The following ARHGEF3 variants were observed in gnomAD, a reference collection of about 807,000 sequenced individuals.
The protein encoded by ARHGEF3 is 59.8 kDA protein.
A neutral mutation model predicts 63.2 loss-of-function variants in ARHGEF3; 28 were observed. The observed-to-expected ratio is 0.44, with a 90% confidence interval of 0.33 to 0.61. The LOEUF is 0.61. Ranked by LOEUF, ARHGEF3 falls within the 20% of genes least tolerant of loss-of-function variation. ARHGEF3 has a pLI of 0.03. For synonymous variants in ARHGEF3, 266 were observed against 254.2 expected (o/e 1.05, Z -0.44); for missense variants, 533 against 659.3 (o/e 0.81, Z 2.10).
intron 4 of ARHGEF3, among the ~76,000 whole-genome samples, chr3:56,879,320 G>T (rs554389969): frequency 6.6e-6 from 1 of 152,112 alleles, no homozygotes; most frequent in Admixed American, 6.5e-5. Flanking sequence ...AATCAAAGGG[G>T]GACATAGTCT....
chr3:57,040,433 C>T (rs537593013), intron 1 of ARHGEF3, among the ~76,000 whole-genome samples: 6 of 142,664 alleles, frequency 4.2e-5, no homozygotes, highest in African/African-American at 1.0e-4. Flanking sequence ...GCTGAGATCA[C>T]GCCACTGCAC....
At chr3:56,951,924 T>C (rs1699830745) in intron 3 of ARHGEF3, among the ~76,000 whole-genome samples, 1 of 152,026 alleles carries the variant, frequency 6.6e-6, no homozygotes, top group Non-Finnish European at 1.5e-5. Flanking sequence ...TTACCTGTTG[T>C]GTGACTCTAG....
chr3:56,841,667 G>C (rs1404082384), intron 4 of ARHGEF3, among the ~76,000 whole-genome samples: 2 of 152,118 alleles, frequency 1.3e-5, no homozygotes, highest in African/African-American at 4.8e-5. Flanking sequence ...AAAAATTCTT[G>C]GGTGTGATTC....
rs188731673 is a variant in ARHGEF3 at position 57,040,651 on chromosome 3, C to A, written c.-27-5475G>T. On this transcript the variant is annotated intron_variant, in intron 1 of 12. Coordinates refer to the ARHGEF3 transcript ENST00000338458. The stretch of plus-strand genomic sequence containing the variant: ...TACAGGTATGATCCATTTGTGAAAA[C>A]CATCAAGTGATACAGTTATGACCGG... 2.2e-4 allele frequency among the ~76,000 whole-genome samples: 34 copies of A among 152,000 alleles called. No individual in the cohort carries two copies. The East Asian group carries it at 6.0e-3, about 27-fold the overall frequency.
intron 1 of ARHGEF3, among the ~76,000 whole-genome samples, chr3:57,070,896 C>A (rs1418467373): frequency 2.0e-5 from 3 of 148,460 alleles, no homozygotes; most frequent in Non-Finnish European, 3.0e-5. Context: ...TGCTTGAGCC[C>A]AGGAGGTCGA....
intron 8 of ARHGEF3, among the ~76,000 whole-genome samples, chr3:56,733,840 G>A (rs985933659): frequency 2.6e-5 from 4 of 151,716 alleles, no homozygotes; most frequent in Non-Finnish European, 5.9e-5. Context: ...AAAAATTAGC[G>A]AGGCGCGGTG....
intron 2 of ARHGEF3, among the ~76,000 whole-genome samples, chr3:56,768,005 C>G (rs985062447): frequency 2.0e-5 from 3 of 151,996 alleles, no homozygotes; most frequent in African/African-American, 7.2e-5. Flanking sequence ...GCCCCGGCTT[C>G]CCAAAGTGCT....
chr3:57,074,138 T>C (rs757078354), intron 1 of ARHGEF3: 26 of 1,613,866 alleles, frequency 1.6e-5, no homozygotes, highest in African/African-American at 2.7e-5. Context: ...GGAGACTGTG[T>C]GAGGATATAG....
intron 2 of ARHGEF3, among the ~76,000 whole-genome samples, chr3:56,992,407 A>ACAAC (rs1553799652): frequency 8.6e-6 from 1 of 116,280 alleles, no homozygotes; most frequent in South Asian, 2.6e-4. Context: ...AAAAAAAAAA[A>ACAAC]AAAAAAACAG....
chr3:56,968,666 G>A (rs775054993), intron 2 of ARHGEF3, among the ~76,000 whole-genome samples: 26 of 151,976 alleles, frequency 1.7e-4, no homozygotes, highest in Middle Eastern at 3.4e-3. Flanking sequence ...GAATAGATAA[G>A]TTTAGTTTTA....
intron 1 of ARHGEF3, chr3:57,035,215 G>A: frequency 8.5e-7 from 1 of 1,182,142 alleles, no homozygotes; most frequent in Non-Finnish European, 1.2e-6. Context: ...TTATCATCTA[G>A]GTACATTTAT....
At chr3:56,791,358 G>A (rs564054375) in intron 1 of ARHGEF3, among the ~76,000 whole-genome samples, 7 of 152,048 alleles carry the variant, frequency 4.6e-5, no homozygotes, top group East Asian at 1.9e-4. Context: ...TGGGAGGATC[G>A]CTTGAACCTG....
At chr3:56,790,345 A>C (rs1487335677) in intron 1 of ARHGEF3, among the ~76,000 whole-genome samples, 1 of 152,196 alleles carries the variant, frequency 6.6e-6, no homozygotes, top group Non-Finnish European at 1.5e-5. Flanking sequence ...CTGAGGAGGA[A>C]GGAGGTGGAG....
At chr3:56,833,928 A>G (rs1223156966) in intron 4 of ARHGEF3, among the ~76,000 whole-genome samples, 5 of 136,576 alleles carry the variant, frequency 3.7e-5, no homozygotes, top group Admixed American at 6.9e-5. Context: ...TCCCCCCCCA[A>G]TTTTTACTCT....
Position 56,729,105 on chromosome 3 carries a change from G to T in ARHGEF3, c.*165C>A. ...AGATTCCAGCTTACACAGACAGATT[G>T]GCAGTTACAGTACTAGGGACAAAGG... On this transcript the variant is annotated 3_prime_UTR_variant, in exon 10 of 10. Coordinates refer to ENST00000296315, the MANE Select transcript of ARHGEF3 (RefSeq NM_019555.3). 1 of 617,412 alleles carries T rather than the reference G, an allele frequency of 1.6e-6. No individual in the cohort carries two copies. The highest frequency in any genetic ancestry group is 2.8e-6 in the Non-Finnish European group (1 of 358,774). 38.2% of individuals were successfully genotyped at this position (617,412 alleles called of 1,614,324 possible).
At chr3:56,969,898 T>C (rs1700834143) in intron 2 of ARHGEF3, among the ~76,000 whole-genome samples, 1 of 151,842 alleles carries the variant, frequency 6.6e-6, no homozygotes, top group African/African-American at 2.4e-5. Context: ...TGCCACACCA[T>C]GGAAGAATCT....
intron 8 of ARHGEF3, 40 bp downstream of exon 8, chr3:56,737,144 CG>C (rs768027502): frequency 6.5e-7 from 1 of 1,544,072 alleles, no homozygotes; most frequent in Non-Finnish European, 8.8e-7. Flanking sequence ...ATTAGGGATA[CG>C]GGAGGCGGAT....
At chr3:56,911,527 T>G (rs967005479) in intron 3 of ARHGEF3, among the ~76,000 whole-genome samples, 1 of 152,046 alleles carries the variant, frequency 6.6e-6, no homozygotes, top group Admixed American at 6.6e-5. Flanking sequence ...GGTGAACAGC[T>G]GGGGTCACCA....
At position 56,798,835 on chromosome 3, in the gene ARHGEF3, G is replaced by A. The variant is rs376963426; in HGVS notation, c.96+2868C>T. ...GTGAAATTCTAGAGCCATGAACTAA[G>A]CTCCTTAGATTTCACAATTAATGAT... On this transcript the variant is annotated intron_variant, in intron 1 of 9. Coordinates refer to ENST00000296315, the MANE Select transcript of ARHGEF3 (RefSeq NM_019555.3). Among the ~76,000 whole-genome samples, 5 of 152,208 alleles carry A rather than the reference G, an allele frequency of 3.3e-5. No homozygotes were observed. In the South Asian group the frequency reaches 8.3e-4, roughly 25 times the overall value.
Sources: gnomAD v4.1 joint callset for allele counts (sites outside exome capture counted in the v4.1 genomes callset) on GRCh38, gnomAD v4.1.1 for gene constraint, MANE v1.5 for transcripts, NCBI Gene and HGNC (gene_info 2026-07-23, HGNC 2026-07-21) for gene names.